The following ATP11B variants were observed in gnomAD, a reference collection of about 807,000 sequenced individuals.
ATP11B encodes the protein ATPase phospholipid transporting 11B (putative).
Under a neutral mutation model 157.8 loss-of-function variants are expected in ATP11B, and 81 were observed. The ratio of observed to expected loss-of-function variants is 0.51; its 90% CI spans 0.43 to 0.62. The LOEUF (loss-of-function observed/expected upper bound fraction) is 0.62, where lower values mean the gene tolerates loss of function less well. Among genes scored for constraint, ATP11B ranks in the 20% least tolerant of loss-of-function variants. The pLI, the probability that ATP11B is intolerant of heterozygous loss-of-function variation, is 0.00. For missense variants in ATP11B, 1,165 were observed against 1,402.2 expected (o/e 0.83, Z 2.70); for synonymous variants, 451 against 469.4 (o/e 0.96, Z 0.51).
chr3:182,834,710 A>G (rs940956521), intron 4 of ATP11B, among the ~76,000 whole-genome samples: 1 of 152,234 alleles, frequency 6.6e-6, no homozygotes, highest in African/African-American at 2.4e-5. Context: ...TCTTTGTGAA[A>G]TGCTTGTGTC....
chr3:182,883,762 C>A (rs1484114982), intron 21 of ATP11B, among the ~76,000 whole-genome samples: 2 of 149,900 alleles, frequency 1.3e-5, no homozygotes, highest in South Asian at 2.1e-4. Context: ...GAGACCATCC[C>A]GGCTAAAACG....
intron 2 of ATP11B, among the ~76,000 whole-genome samples, chr3:182,827,448 A>G (rs1284170752): frequency 6.6e-6 from 1 of 152,100 alleles, no homozygotes; most frequent in Admixed American, 6.6e-5. Context: ...GATTAAGTCC[A>G]AGGTCATTTA....
rs1351904426 is a variant in ATP11B at position 182,818,869 on chromosome 3, T to TTTAATAAC, written c.28-1389_28-1382dup. Reference sequence around the variant, plus strand: ...ATGAATACCCAAGTTTTATTGACCTTTTAATAACTGCTTAGTAGTACTAGT... The same window carrying TTTAATAAC: ...ATGAATACCCAAGTTTTATTGACCTTTTAATAACTTAATAACTGCTTAGTAGTACTAGT... On this transcript the variant is annotated intron_variant, in intron 1 of 29. Coordinates refer to ENST00000323116, the MANE Select transcript of ATP11B (RefSeq NM_014616.3). Among the ~76,000 whole-genome samples the TTTAATAAC allele has an allele frequency of 1.3e-4, 19 of 151,238 alleles. 1 individual carries two copies.
In ATP11B at chr3:182,815,231, T is replaced by C. The variant is rs548995265; in HGVS notation, c.28-5029T>C. Among the ~76,000 whole-genome samples, 69 of 152,332 alleles carry C rather than the reference T, an allele frequency of 4.5e-4. 2 individuals are homozygous for C. In the South Asian group the frequency reaches 4.6e-3, roughly 10 times the overall value. ...AACTTAAATCCTGAAGTGAAAGTTATGTAATACAAAGCAAAAAGCTGAGGT... is the reference window on the plus strand; with the variant it reads ...AACTTAAATCCTGAAGTGAAAGTTACGTAATACAAAGCAAAAAGCTGAGGT... On this transcript the variant is annotated intron_variant, in intron 1 of 29. Transcript: ENST00000323116.
Position 182,921,033 on chromosome 3 carries a change from C to T in ATP11B, c.*2929C>T, listed in dbSNP as rs1405090243. On this transcript the variant is annotated 3_prime_UTR_variant, in exon 30 of 30. Transcript: ENST00000323116. ...GAAAAGATTGTGAGATTGAACTTAT[C>T]TGATCGCTTGAGACTCCTAATAGGC... 1 of 152,190 alleles carries T rather than the reference C, an allele frequency of 6.6e-6. No individual in the cohort carries two copies. The highest frequency in any genetic ancestry group is 1.5e-5 in the Non-Finnish European group (1 of 68,038). The allele number at this position is 152,190 out of a possible 1,614,324, so 9.4% of individuals were successfully genotyped here.
chr3:182,847,550 A>G (rs1719631204), intron 9 of ATP11B, among the ~76,000 whole-genome samples: 1 of 152,202 alleles, frequency 6.6e-6, no homozygotes, highest in African/African-American at 2.4e-5. Context: ...TATTTGAGTT[A>G]TAATACCCTG....
chr3:182,813,841 C>A (rs1173982298), intron 1 of ATP11B, among the ~76,000 whole-genome samples: 1 of 151,954 alleles, frequency 6.6e-6, no homozygotes, highest in Non-Finnish European at 1.5e-5. Flanking sequence ...GACCCTCCTG[C>A]GTCAGCCTCC....
intron 20 of ATP11B, 111 bp downstream of exon 20, chr3:182,879,760 TG>T: frequency 1.0e-6 from 1 of 985,004 alleles, no homozygotes; most frequent in Non-Finnish European, 1.4e-6. Context: ...ATATACATTT[TG>T]CTAGGAGTCA....
At position 182,837,024 on chromosome 3, in the gene ATP11B, T is replaced by C. The variant is rs1191701405; in HGVS notation, c.553-47T>C. ...GATTTGAAATAACTGATATTGAAGG[T>C]CGCAATTTGGATCTGAAAACTCTAC... On this transcript the variant is annotated intron_variant, in intron 6 of 29. Transcript: ENST00000323116. 7.9e-6 allele frequency: 11 copies of C among 1,387,804 alleles called. No homozygotes were observed. The South Asian group carries it at 1.3e-4, about 16-fold the overall frequency. The allele number at this position is 1,387,804 out of a possible 1,614,324, so 86.0% of individuals were successfully genotyped here.
chr3:182,881,349 G>T (rs1406758103), intron 21 of ATP11B, among the ~76,000 whole-genome samples: 2 of 152,124 alleles, frequency 1.3e-5, no homozygotes, highest in Non-Finnish European at 2.9e-5. Context: ...CAGGAGAATT[G>T]CTTGAACCCG....
chr3:182,806,891 G>T (rs957973284), intron 1 of ATP11B, among the ~76,000 whole-genome samples: 1 of 152,124 alleles, frequency 6.6e-6, no homozygotes, highest in African/African-American at 2.4e-5. Context: ...GAACCATGGT[G>T]CAGAGGGGGT....
At chr3:182,915,037 A>G (rs555965616) in intron 29 of ATP11B, 1 of 985,432 alleles carries the variant, frequency 1.0e-6, no homozygotes, top group African/African-American at 1.7e-5. Flanking sequence ...ACAGGTTATA[A>G]AGAGTGAAGA....
chr3:182,806,168 A>G (rs544244733), intron 1 of ATP11B, among the ~76,000 whole-genome samples: 1 of 152,338 alleles, frequency 6.6e-6, no homozygotes, highest in South Asian at 2.1e-4. Flanking sequence ...CTTTAGCTCT[A>G]CGTATTGGAG....
chr3:182,869,362 T>C (rs1411757426), intron 17 of ATP11B, 31 bp downstream of exon 17: 1 of 1,313,740 alleles, frequency 7.6e-7, no homozygotes, highest in East Asian at 2.5e-5. Context: ...TTTAAAAAAC[T>C]CTAAAAGATA....
At chr3:182,886,058 C>A in intron 23 of ATP11B, 48 bp downstream of exon 23, 1 of 1,239,170 alleles carries the variant, frequency 8.1e-7, no homozygotes, top group Non-Finnish European at 1.1e-6. Context: ...TTTAGAGTAA[C>A]GTATGTATGT....
intron 19 of ATP11B, among the ~76,000 whole-genome samples, chr3:182,875,871 T>G (rs1722005387): frequency 6.6e-6 from 1 of 152,222 alleles, no homozygotes; most frequent in Non-Finnish European, 1.5e-5. Context: ...TATTTAAACG[T>G]TTAAATACTG....
At chr3:182,806,105 A>G (rs893894208) in intron 1 of ATP11B, among the ~76,000 whole-genome samples, 1 of 152,156 alleles carries the variant, frequency 6.6e-6, no homozygotes, top group Non-Finnish European at 1.5e-5. Context: ...TTTATTTCAT[A>G]GTCACTATTG....
intron 12 of ATP11B, among the ~76,000 whole-genome samples, chr3:182,862,950 CTG>C (rs1270880487): frequency 2.6e-5 from 4 of 151,898 alleles, no homozygotes; most frequent in Non-Finnish European, 4.4e-5. Flanking sequence ...GAGTCTCACT[CTG>C]TCTCCCAGGC....
rs754005057 is a variant in ATP11B, at chr3:182,920,026, T to C, written c.*1922T>C. 1 of 152,176 alleles carries C rather than the reference T, an allele frequency of 6.6e-6. No individual in the cohort carries two copies. The highest frequency in any genetic ancestry group is 2.4e-5 in the African/African-American group (1 of 41,446). The allele number at this position is 152,176 out of a possible 1,614,324, so 9.4% of individuals were successfully genotyped here. A position where few individuals can be genotyped will look rare whatever the true frequency, so the allele number is the denominator to read the frequency against. ...GGAAATTTGCTCATAAAATCTCTTATAAAACGTGCATATAACAAAATGACA... is the reference window on the plus strand; with the variant it reads ...GGAAATTTGCTCATAAAATCTCTTACAAAACGTGCATATAACAAAATGACA... On this transcript the variant is annotated 3_prime_UTR_variant, in exon 30 of 30. Coordinates refer to ENST00000323116, the MANE Select transcript of ATP11B (RefSeq NM_014616.3).
Sources: gnomAD v4.1 joint callset for allele counts (sites outside exome capture counted in the v4.1 genomes callset) on GRCh38, gnomAD v4.1.1 for gene constraint, MANE v1.5 for transcripts, NCBI Gene and HGNC (gene_info 2026-07-23, HGNC 2026-07-21) for gene names.